Variants in PCDHGA8 observed in about 807,000 individuals in gnomAD.
PCDHGA8 encodes protocadherin gamma subfamily A, 8, also known as protocadherin gamma-A8.
In PCDHGA8, 45 loss-of-function variants were observed where a neutral mutation model predicts 59.2. The observed-to-expected ratio is 0.76, with a 90% CI of 0.60 to 0.98. The LOEUF (loss-of-function observed/expected upper bound fraction) is 0.98, where lower values mean the gene tolerates loss of function less well. Among genes scored for constraint, PCDHGA8 ranks in the 50% least tolerant of loss-of-function variants. The pLI is 0.00. For synonymous variants in PCDHGA8, 531 were observed against 519.0 expected, an observed-to-expected ratio of 1.02 and a Z score of -0.32; for missense variants, 1,257 against 1,196.2, an observed-to-expected ratio of 1.05 and a Z score of -0.75.
At chr5:141,494,954 G>A in intron 2 of PCDHGA8, 89 bp downstream of exon 2, 2 of 1,601,116 alleles carry the variant, frequency 1.2e-6, no homozygotes. Context: ...CCCAGCATTT[G>A]CTACAGATGG....
chr5:141,440,563 T>C (rs1048420758), intron 1 of PCDHGA8: 3 of 152,250 alleles, frequency 2.0e-5, no homozygotes, highest in Admixed American at 6.5e-5. Flanking sequence ...TTAAGTTACG[T>C]ATCTCTGAGT....
At chr5:141,415,046 G>C in intron 1 of PCDHGA8, 1 of 1,613,468 alleles carries the variant, frequency 6.2e-7, no homozygotes, top group Non-Finnish European at 8.5e-7. Context: ...TTCGCGGTGG[G>C]GGAGCACACG....
intron 1 of PCDHGA8, 143 bp from the exon 2 acceptor site, chr5:141,494,664 A>T: frequency 6.7e-7 from 1 of 1,500,298 alleles, no homozygotes; most frequent in Non-Finnish European, 8.9e-7. Flanking sequence ...GTCTTTGGAG[A>T]TGAGTCCACC....
chr5:141,414,371 A>G (rs1447111430), intron 1 of PCDHGA8: 1 of 1,613,954 alleles, frequency 6.2e-7, no homozygotes, highest in South Asian at 1.1e-5. Flanking sequence ...TTTAAATTAG[A>G]AAAGTCCATT....
chr5:141,464,394 G>A (rs1277856342), intron 1 of PCDHGA8, among the ~76,000 whole-genome samples: 1 of 150,654 alleles, frequency 6.6e-6, no homozygotes. Context: ...TGCTAATGAA[G>A]AACCTGAGAT....
At chr5:141,436,738 G>T (rs1207400781) in intron 1 of PCDHGA8, among the ~76,000 whole-genome samples, 2 of 152,306 alleles carry the variant, frequency 1.3e-5, no homozygotes, top group South Asian at 2.1e-4. Context: ...AATGATTTTT[G>T]TGTGCTTCTC....
intron 1 of PCDHGA8, among the ~76,000 whole-genome samples, chr5:141,433,573 C>T (rs1400327372): frequency 1.3e-5 from 2 of 152,046 alleles, no homozygotes; most frequent in Admixed American, 1.3e-4. Flanking sequence ...CGGTGGCTCA[C>T]GCCTGTAATC....
chr5:141,408,108 A>T, intron 1 of PCDHGA8: 1 of 1,441,874 alleles, frequency 6.9e-7, no homozygotes, highest in Non-Finnish European at 9.1e-7. Flanking sequence ...GAGACCCGGG[A>T]CTCCTCCTGT....
In PCDHGA8 at chr5:141,487,562, G is replaced by A. The variant is rs140619162; in HGVS notation, c.2425-7245G>A. The A allele has an allele frequency of 7.7e-5, 125 of 1,614,060 alleles. 1 individual carries two copies. The highest frequency in any genetic ancestry group is 5.7e-4 in the Admixed American group (34 of 60,006). On this transcript the variant is annotated intron_variant, in intron 1 of 3. Transcript: ENST00000398604. The surrounding 1 kb of genome is among the most constrained non-coding windows in gnomAD (Gnocchi z 5.0). ...GAAGTCACCCAGTGCACCTATGGCA[G>A]GGGAGCCTGTTCGCCCAAGCTGCCC...
rs1231814252 is a variant in PCDHGA8 at position 141,394,621 on chromosome 5, G to C, written c.1808G>C (p.Trp603Ser). Residue 603 changes from tryptophan (W) to serine (S), a missense_variant, in exon 1 of 4, where the codon TGG becomes TCG. By Grantham distance (177) the Trp-to-Ser change is radical. Coordinates refer to ENST00000398604, the MANE Select transcript of PCDHGA8 (RefSeq NM_032088.2). ...GACAGAGACTCGGGCCAGAACGCCTGGCTGTCCTACCGCCTGCTCAAGGCC... is the reference window on the plus strand; with the variant it reads ...GACAGAGACTCGGGCCAGAACGCCTCGCTGTCCTACCGCCTGCTCAAGGCC... ...AVDRDSGQNA[W>S]LSYRLLKASE... The C allele has an allele frequency of 6.2e-7, 1 of 1,613,408 alleles. No individual in the cohort carries two copies. The highest frequency in any genetic ancestry group is 1.3e-5 in the African/African-American group (1 of 74,914).
chr5:141,490,132 A>G lies in PCDHGA8; in HGVS notation c.2425-4675A>G, dbSNP rs1245562757. The G allele has an allele frequency of 3.7e-6, 6 of 1,614,102 alleles. No homozygotes were observed. In the African/African-American group the frequency reaches 4.0e-5, roughly 11 times the overall value. ...GCGGAACCTCTTTGGCCTAGACCCTAGCAGTGGGGCAATCCATGTGTTGGG... is the reference window on the plus strand; with the variant it reads ...GCGGAACCTCTTTGGCCTAGACCCTGGCAGTGGGGCAATCCATGTGTTGGG... On this transcript the variant is annotated intron_variant, in intron 1 of 3. Coordinates refer to ENST00000398604, the MANE Select transcript of PCDHGA8 (RefSeq NM_032088.2). The surrounding 1 kb of genome is among the most constrained non-coding windows in gnomAD (Gnocchi z 5.4).
chr5:141,395,237 G>C lies in PCDHGA8; in HGVS notation c.2424G>C (p.Gln808His), dbSNP rs760516487. The C allele has an allele frequency of 1.3e-6, 2 of 1,590,946 alleles. No homozygotes were observed. Among genetic ancestry groups the C allele is most frequent in the Non-Finnish European group, 8.6e-7 (1 of 1,167,352 alleles). ...HEYKNEADHG[Q>H]QAPPNTDWRF... ...ATAAGAATGAAGCTGATCATGGTCA[G>C]GTGAGTTTAGTTCTTTGCTTGCTTT... is the stretch of plus-strand genomic sequence containing the variant. Residue 808 changes from glutamine to histidine, a missense_variant and splice_region_variant, in exon 1 of 4, where the codon CAG becomes CAC. Transcript: ENST00000398604.
chr5:141,480,224 T>G (rs2099514647), intron 1 of PCDHGA8, among the ~76,000 whole-genome samples: 1 of 146,584 alleles, frequency 6.8e-6, no homozygotes, highest in Non-Finnish European at 1.5e-5. Context: ...AGCGACATAG[T>G]GAGATCCTGT....
rs779392461 is a variant in PCDHGA8, at chr5:141,428,623, TC to T, written c.2424+33387del. 3.1e-5 allele frequency: 6 copies of T among 193,516 alleles called. No individual in the cohort carries two copies. In the East Asian group the frequency reaches 5.4e-4, roughly 17 times the overall value. 12.0% of individuals were successfully genotyped at this position (193,516 alleles called of 1,614,324 possible). ...CACTGAAGAGAATAACAAGATAAGC[TC>T]TAACTCTGTTGCTCCTACTCACGTG... On this transcript the variant is annotated intron_variant, in intron 1 of 3. Coordinates refer to ENST00000398604, the MANE Select transcript of PCDHGA8 (RefSeq NM_032088.2).
chr5:141,423,489 T>C (rs764165685), intron 1 of PCDHGA8: 1 of 1,614,016 alleles, frequency 6.2e-7, no homozygotes, highest in South Asian at 1.1e-5. Context: ...TGCAAACCTA[T>C]TCCCACGAGG....
chr5:141,453,111 G>A (rs1040339344), intron 1 of PCDHGA8, among the ~76,000 whole-genome samples: 5 of 151,718 alleles, frequency 3.3e-5, no homozygotes, highest in Non-Finnish European at 5.9e-5. Flanking sequence ...TTTTTGTTTT[G>A]TTTTGTTTTG....
chr5:141,394,177 C>T lies in PCDHGA8; in HGVS notation c.1364C>T (p.Ala455Val), dbSNP rs2092934633. The change falls in exon 1 of 4, where the codon GCC becomes GTC. Residue 455 changes from alanine to valine, a missense_variant. Coordinates refer to ENST00000398604, the MANE Select transcript of PCDHGA8 (RefSeq NM_032088.2). ...GACAACCCTCCTACTTTCCCTCATG[C>T]CTCCTACTCAGCGTATATCCTAGAG... ...INDNPPTFPH[A>V]SYSAYILENN... is the part of the protein sequence containing the mutation. 1 of 1,613,912 alleles carries T rather than the reference C, an allele frequency of 6.2e-7. No individual in the cohort carries two copies. Among genetic ancestry groups the T allele is most frequent in the East Asian group, 2.2e-5 (1 of 44,870 alleles).
rs562410567 is a variant in PCDHGA8 at position 141,413,096 on chromosome 5, G to A, written c.2424+17859G>A. On this transcript the variant is annotated intron_variant, in intron 1 of 3. Transcript: ENST00000398604. ...GCCCAGGCTACAGAGACACCCTGAA[G>A]CCACAGAAAGACAAAGGAACCGGTT... 25 of 1,445,574 alleles carry A rather than the reference G, an allele frequency of 1.7e-5. No homozygotes were observed. The African/African-American group carries it at 3.3e-4, about 19-fold the overall frequency. The allele number at this position is 1,445,574 out of a possible 1,614,324, so 89.5% of individuals were successfully genotyped here.
intron 1 of PCDHGA8, chr5:141,418,580 G>A: frequency 1.2e-5 from 20 of 1,614,018 alleles, no homozygotes; most frequent in Non-Finnish European, 1.7e-5. Flanking sequence ...CAACCCCCCA[G>A]TGTTCAGCCA....
Sources: gnomAD v4.1 joint callset for allele counts (sites outside exome capture counted in the v4.1 genomes callset) on GRCh38, gnomAD v4.1.1 for gene constraint, Gnocchi (gnomAD v3.1) non-coding constraint, MANE v1.5 for transcripts, NCBI Gene and HGNC (gene_info 2026-07-23, HGNC 2026-07-21) for gene names.